Variants in DSCAM observed in about 807,000 individuals in gnomAD.
DSCAM encodes DS cell adhesion molecule.
A neutral mutation model predicts 217.7 loss-of-function variants in DSCAM; 47 were observed. That is an observed-to-expected ratio of 0.22 (90% CI 0.17 to 0.28). The LOEUF is 0.28. Among genes scored for constraint, DSCAM ranks in the 10% least tolerant of loss-of-function variants. The pLI is 1.00. For synonymous variants in DSCAM, 1,056 were observed against 1,015.3 expected, an observed-to-expected ratio of 1.04 and a Z score of -0.76; for missense variants, 2,080 against 2,618.3, an observed-to-expected ratio of 0.79 and a Z score of 4.49.
At chr21:40,841,748 G>T (rs759594504) in intron 1 of DSCAM, among the ~76,000 whole-genome samples, 20 of 152,216 alleles carry the variant, frequency 1.3e-4, no homozygotes, top group African/African-American at 4.1e-4. Flanking sequence ...CCTCCGAGGC[G>T]CGCGCCACGC....
At chr21:40,795,800 T>A (rs769023657) in intron 1 of DSCAM, among the ~76,000 whole-genome samples, 2 of 152,220 alleles carry the variant, frequency 1.3e-5, no homozygotes, top group African/African-American at 2.4e-5. Flanking sequence ...TGTGTAGTAA[T>A]CCAGTTTTCT....
chr21:40,276,972 T>TAAAAAAAAAAAAAAAAA (rs111711519), intron 10 of DSCAM, among the ~76,000 whole-genome samples: 1 of 144,016 alleles, frequency 6.9e-6, no homozygotes, highest in South Asian at 2.2e-4. Context: ...TACAACTGGG[T>TAAAAAAAAAAAAAAAAA]AAAAAAAAAA....
chr21:40,020,002 C>T lies in DSCAM; in HGVS notation c.5687-6616G>A, dbSNP rs369070410. Among the ~76,000 whole-genome samples the T allele has an allele frequency of 9.2e-5, 14 of 152,122 alleles. No homozygotes were observed. In the East Asian group the frequency reaches 2.7e-3, roughly 29 times the overall value. On this transcript the variant is annotated intron_variant, in intron 32 of 32. Transcript: ENST00000400454. ...TTCCCTCCATTCTTTCCTTTATTTTCCTTCTAATATAGTTTGGCTGTGTCC... is the reference window on the plus strand; with the variant it reads ...TTCCCTCCATTCTTTCCTTTATTTTTCTTCTAATATAGTTTGGCTGTGTCC...
chr21:40,218,216 G>C lies in DSCAM; in HGVS notation c.2357-28978C>G, dbSNP rs1433073823. ...AGCTTCAATCTTCTGCATATGGTCA[G>C]CCAGTTATCCTAGCACCATTTCTTG... is the stretch of plus-strand genomic sequence containing the variant. On this transcript the variant is annotated intron_variant, in intron 11 of 32. Coordinates refer to ENST00000400454, the MANE Select transcript of DSCAM (RefSeq NM_001389.5). Among the ~76,000 whole-genome samples, 5 of 152,146 alleles carry C rather than the reference G, an allele frequency of 3.3e-5. No individual in the cohort carries two copies. In the East Asian group the frequency reaches 9.6e-4, roughly 29 times the overall value.
intron 3 of DSCAM, among the ~76,000 whole-genome samples, chr21:40,380,361 A>G (rs2075007737): frequency 6.6e-6 from 1 of 152,256 alleles, no homozygotes; most frequent in Non-Finnish European, 1.5e-5. Flanking sequence ...TTTTTATTAA[A>G]GAACCAAAGA....
At chr21:40,174,816 G>A (rs996056022) in intron 15 of DSCAM, among the ~76,000 whole-genome samples, 4 of 152,272 alleles carry the variant, frequency 2.6e-5, no homozygotes, top group Admixed American at 6.5e-5. Flanking sequence ...ACACTGAGCC[G>A]ACTCACATCC....
chr21:40,323,826 G>T (rs1266323517), intron 8 of DSCAM, among the ~76,000 whole-genome samples: 1 of 152,180 alleles, frequency 6.6e-6, no homozygotes, highest in Admixed American at 6.5e-5. Context: ...TAAGGGGGCT[G>T]GGTGCAGTGG....
At chr21:40,768,916 C>T (rs1302746442) in intron 1 of DSCAM, among the ~76,000 whole-genome samples, 2 of 152,152 alleles carry the variant, frequency 1.3e-5, no homozygotes, top group Non-Finnish European at 2.9e-5. Context: ...GGTGGAGGCC[C>T]AATTGAGACA....
intron 3 of DSCAM, among the ~76,000 whole-genome samples, chr21:40,688,411 T>C (rs557797901): frequency 6.5e-4 from 99 of 152,120 alleles, no homozygotes; most frequent in Admixed American, 2.4e-3. Context: ...GATGGTGTTT[T>C]ATGTATCTCC....
chr21:40,611,910 C>T (rs2089320864), intron 3 of DSCAM, among the ~76,000 whole-genome samples: 1 of 152,194 alleles, frequency 6.6e-6, no homozygotes, highest in African/African-American at 2.4e-5. Flanking sequence ...TAAACAGAGA[C>T]TTGGAAGATA....
chr21:40,493,367 A>G, intron 3 of DSCAM, among the ~76,000 whole-genome samples: 1 of 152,206 alleles, frequency 6.6e-6, no homozygotes, highest in Admixed American at 6.5e-5. Flanking sequence ...TTAATAAACA[A>G]CACGAAAATA....
At chr21:40,559,448 G>C (rs1255322671) in intron 3 of DSCAM, among the ~76,000 whole-genome samples, 3 of 128,714 alleles carry the variant, frequency 2.3e-5, no homozygotes, top group South Asian at 2.7e-4. Flanking sequence ...AAAAGAGCGA[G>C]ACCCCGTCTC....
At chr21:40,725,560 C>T (rs1346696095) in intron 1 of DSCAM, among the ~76,000 whole-genome samples, 2 of 152,188 alleles carry the variant, frequency 1.3e-5, no homozygotes, top group Non-Finnish European at 2.9e-5. Context: ...ACATTTGTAC[C>T]TTGAATGCAG....
rs1019087747 is a variant in DSCAM at position 40,447,851 on chromosome 21, G to A, written c.509-78606C>T. On this transcript the variant is annotated intron_variant, in intron 3 of 32. Transcript: ENST00000400454. ...CGAGGAGGAGCGTGATGCTTATATCGATCAACTTCAAACCTACTTGGAATT... is the reference window on the plus strand; with the variant it reads ...CGAGGAGGAGCGTGATGCTTATATCAATCAACTTCAAACCTACTTGGAATT... Among the ~76,000 whole-genome samples the A allele has an allele frequency of 3.5e-4, 53 of 152,236 alleles. 1 individual carries two copies. The highest frequency in any genetic ancestry group is 3.4e-3 in the Middle Eastern group (1 of 294).
At chr21:40,438,399 G>A (rs1396732796) in intron 3 of DSCAM, among the ~76,000 whole-genome samples, 1 of 152,100 alleles carries the variant, frequency 6.6e-6, no homozygotes, top group African/African-American at 2.4e-5. Context: ...ACAATGATTG[G>A]GTTGATGAAT....
At chr21:40,695,883 T>C (rs1000222209) in intron 2 of DSCAM, among the ~76,000 whole-genome samples, 1 of 152,122 alleles carries the variant, frequency 6.6e-6, no homozygotes. Flanking sequence ...AATAGAGCAT[T>C]GTTTGTTCCT....
chr21:40,263,347 T>G (rs1391672324), intron 11 of DSCAM, among the ~76,000 whole-genome samples: 3 of 152,172 alleles, frequency 2.0e-5, no homozygotes, highest in Admixed American at 6.6e-5. Context: ...AAAATTTCAA[T>G]CATATCAAGT....
At chr21:40,464,700 A>T (rs2075830203) in intron 3 of DSCAM, among the ~76,000 whole-genome samples, 1 of 151,124 alleles carries the variant, frequency 6.6e-6, no homozygotes, top group South Asian at 2.1e-4. Flanking sequence ...GATTCTCTGC[A>T]TCTGTTCCTG....
At chr21:40,755,232 G>A (rs1286684890) in intron 1 of DSCAM, among the ~76,000 whole-genome samples, 1 of 152,138 alleles carries the variant, frequency 6.6e-6, no homozygotes, top group Non-Finnish European at 1.5e-5. Context: ...CGGATCATGA[G>A]GTCAGGAGTT....
Sources: gnomAD v4.1 joint callset for allele counts (sites outside exome capture counted in the v4.1 genomes callset) on GRCh38, gnomAD v4.1.1 for gene constraint, MANE v1.5 for transcripts, NCBI Gene and HGNC (gene_info 2026-07-23, HGNC 2026-07-21) for gene names.